MTCL1: variants seen among roughly 807,000 people sequenced by gnomAD.
MTCL1 encodes microtubule cross-linking factor 1.
A neutral mutation model predicts 141.4 loss-of-function variants in MTCL1; 79 were observed. That is an observed-to-expected ratio of 0.56 (90% CI 0.47 to 0.67). The LOEUF is 0.67. MTCL1 is among the 30% of genes least tolerant of loss of function. MTCL1 has a pLI of 0.00. For missense variants in MTCL1, 2,177 were observed against 2,113.9 expected, an observed-to-expected ratio of 1.03 and a Z score of -0.59; for synonymous variants, 914 against 875.8, an observed-to-expected ratio of 1.04 and a Z score of -0.77.
chr18:8,796,375 T>C, exon 9 of MTCL1: 1 of 1,614,076 alleles, frequency 6.2e-7, no homozygotes, highest in Non-Finnish European at 8.5e-7. Context: ...AGCAGAACAT[T>C]TTCCTCTTCT....
At chr18:8,818,165 T>TA (rs2076722189) in intron 12 of MTCL1, among the ~76,000 whole-genome samples, 1 of 152,170 alleles carries the variant, frequency 6.6e-6, no homozygotes, top group Admixed American at 6.5e-5. Context: ...CAACCCATCT[T>TA]ACAGATAAGG....
At chr18:8,765,095 G>A (rs542018053) in intron 4 of MTCL1, among the ~76,000 whole-genome samples, 6 of 152,302 alleles carry the variant, frequency 3.9e-5, no homozygotes, top group African/African-American at 1.4e-4. Context: ...ATGAAGGAAG[G>A]TTCTTCCCCT....
chr18:8,793,207 GCTGT>G, intron 8 of MTCL1, 87 bp downstream of exon 7: 24 of 1,558,138 alleles, frequency 1.5e-5, no homozygotes, highest in Non-Finnish European at 2.0e-5. Context: ...TTCAAAGAAG[GCTGT>G]CTGTTGCGTA....
intron 4 of MTCL1, among the ~76,000 whole-genome samples, chr18:8,766,713 C>T (rs2149029985): frequency 6.6e-6 from 1 of 152,334 alleles, no homozygotes; most frequent in African/African-American, 2.4e-5. Context: ...TGCCTGCTCC[C>T]AGCTGTAGCC....
chr18:8,793,072 C>G lies in MTCL1; in HGVS notation c.1962C>G (p.Ala654=), dbSNP rs116633163. The change falls in exon 8 of 17, where the codon GCC becomes GCG. Residue 654 remains alanine, a synonymous_variant. Coordinates refer to ENST00000359865, the Ensembl canonical transcript of MTCL1. ...TACAGGGTCAGCTCGTGCAGGCGGC[C>G]AGACTGCATCAAGAGGAGACAGAGA... 6,456 of 1,614,136 alleles carry G rather than the reference C, an allele frequency of 4.0e-3. 20 individuals are homozygous for G. The highest frequency in any genetic ancestry group is 4.6e-3 in the Non-Finnish European group (5,372 of 1,180,024).
intron 7 of MTCL1, among the ~76,000 whole-genome samples, chr18:8,792,532 G>T (rs940371726): frequency 6.6e-6 from 1 of 151,998 alleles, no homozygotes; most frequent in Non-Finnish European, 1.5e-5. Context: ...ACTCTAATAA[G>T]AAAGCATATG....
chr18:8,765,524 G>T (rs926239120), intron 4 of MTCL1, among the ~76,000 whole-genome samples: 1 of 152,114 alleles, frequency 6.6e-6, no homozygotes, highest in East Asian at 1.9e-4. Context: ...CTTAACCTTC[G>T]CACACCTCCA....
At chr18:8,706,837 C>T in intron 1 of MTCL1, 124 bp downstream of exon 1, 6 of 1,410,880 alleles carry the variant, frequency 4.3e-6, no homozygotes, top group Non-Finnish European at 5.5e-6. Context: ...CTCCACGGTC[C>T]TACCCCCGCA....
At chr18:8,777,745 G>A (rs2096517002) in intron 4 of MTCL1, 88 bp from the exon 4 acceptor site, 2 of 1,135,878 alleles carry the variant, frequency 1.8e-6, no homozygotes, top group Non-Finnish European at 2.6e-6. Flanking sequence ...TTCAGTGTGT[G>A]TGTCCCCACC....
intron 1 of MTCL1, among the ~76,000 whole-genome samples, chr18:8,708,882 C>T (rs928639643): frequency 3.3e-5 from 5 of 152,180 alleles, no homozygotes; most frequent in South Asian, 2.1e-4. Flanking sequence ...ACTGTTCCTC[C>T]GACAGCAGGG....
chr18:8,795,494 C>T (rs1358300734), intron 8 of MTCL1, among the ~76,000 whole-genome samples: 1 of 152,152 alleles, frequency 6.6e-6, no homozygotes, highest in African/African-American at 2.4e-5. Flanking sequence ...TATTGATACA[C>T]AATAATTGTT....
At position 8,830,780 on chromosome 18, in the gene MTCL1, TCC is replaced by T. The variant is rs2077170596; in HGVS notation, c.*19-826_*19-825del. Reference sequence around the variant, plus strand: ...TTTACATTTCTGTGTATCAGCAAATTCCAAATTTGGGTGTCCTGGTTTTGTAA... The same window carrying T: ...TTTACATTTCTGTGTATCAGCAAATTAAATTTGGGTGTCCTGGTTTTGTAA... On this transcript the variant is annotated intron_variant, in intron 16 of 16. Coordinates refer to ENST00000359865, the Ensembl canonical transcript of MTCL1. The surrounding 1 kb of genome is among the most constrained non-coding windows in gnomAD (Gnocchi z 6.4). 1 of 985,342 alleles carries T rather than the reference TCC, an allele frequency of 1.0e-6. No homozygotes were observed. Among genetic ancestry groups the T allele is most frequent in the Non-Finnish European group, 1.2e-6 (1 of 829,956 alleles). The allele number at this position is 985,342 out of a possible 1,614,324, so 61.0% of individuals were successfully genotyped here.
upstream of MTCL1, among the ~76,000 whole-genome samples, chr18:8,715,677 A>G (rs2096124332): frequency 6.6e-6 from 1 of 152,172 alleles, no homozygotes; most frequent in South Asian, 2.1e-4. Context: ...TGTGAATCAA[A>G]CTTGACGTTG....
At chr18:8,801,311 A>AC (rs2076114149) in intron 10 of MTCL1, among the ~76,000 whole-genome samples, 1 of 99,936 alleles carries the variant, frequency 1.0e-5, no homozygotes, top group Admixed American at 1.1e-4. Context: ...GATCTGCCTG[A>AC]CTTTTTTTTT....
At chr18:8,742,566 T>C (rs2096310470) in intron 4 of MTCL1, among the ~76,000 whole-genome samples, 1 of 152,132 alleles carries the variant, frequency 6.6e-6, no homozygotes, top group African/African-American at 2.4e-5. Context: ...ATCACAAGAA[T>C]AGTATGGAGG....
intron 4 of MTCL1, among the ~76,000 whole-genome samples, chr18:8,734,211 C>A (rs950840936): frequency 6.6e-6 from 1 of 151,934 alleles, no homozygotes; most frequent in Non-Finnish European, 1.5e-5. Flanking sequence ...GTAGCACCCC[C>A]CCTCCCCAAT....
chr18:8,808,909 C>T (rs1049810165), intron 11 of MTCL1, among the ~76,000 whole-genome samples: 16 of 152,258 alleles, frequency 1.1e-4, no homozygotes, highest in African/African-American at 3.6e-4. Flanking sequence ...GGAACAGGAA[C>T]GTGCAAGGCA....
chr18:8,792,900 C>T (rs979130862), intron 7 of MTCL1, 98 bp from the exon 7 acceptor site: 13 of 1,512,648 alleles, frequency 8.6e-6, no homozygotes, highest in East Asian at 4.7e-5. Context: ...TGTGTCGCTC[C>T]GTGTGCGTCC....
intron 4 of MTCL1, among the ~76,000 whole-genome samples, chr18:8,720,707 A>G (rs183700496): frequency 6.6e-5 from 10 of 152,386 alleles, no homozygotes; most frequent in African/African-American, 2.2e-4. Flanking sequence ...GAAAGCCCCC[A>G]AAAGCAAAGA....
Sources: allele counts gnomAD v4.1 joint callset (sites outside exome capture counted in the v4.1 genomes callset), GRCh38; gene constraint gnomAD v4.1.1; non-coding constraint Gnocchi (gnomAD v3.1); transcripts MANE v1.5; gene names NCBI Gene and HGNC (gene_info 2026-07-23, HGNC 2026-07-21).